Variants in OSMR observed in about 807,000 individuals in gnomAD.
The protein encoded by OSMR is oncostatin M receptor, also known as oncostatin-M-specific receptor subunit beta.
In OSMR, 81 loss-of-function variants were observed where a neutral mutation model predicts 99.9. The ratio of observed to expected loss-of-function variants is 0.81; its 90% CI spans 0.68 to 0.97. OSMR has a LOEUF of 0.97. OSMR is among the 50% of genes least tolerant of loss of function. OSMR has a pLI of 0.00. For missense variants in OSMR, 1,099 were observed against 1,153.4 expected (o/e 0.95, Z 0.68); for synonymous variants, 406 against 410.4 (o/e 0.99, Z 0.13).
intron 2 of OSMR, among the ~76,000 whole-genome samples, chr5:38,870,332 T>A (rs1742282184): frequency 8.5e-6 from 1 of 118,092 alleles, no homozygotes; most frequent in South Asian, 2.8e-4. Context: ...ATGATTTTCT[T>A]TTTTTTTTTT....
At chr5:38,881,423 C>T (rs1743270561) in intron 3 of OSMR, 170 bp from the exon 4 acceptor site, 1 of 965,420 alleles carries the variant, frequency 1.0e-6, no homozygotes, top group Non-Finnish European at 1.2e-6. Flanking sequence ...TAGCTGGCTC[C>T]CATGCGAGGC....
intron 1 of OSMR, among the ~76,000 whole-genome samples, chr5:38,848,711 C>G (rs17458706): frequency 0.25 from 37,583 of 152,130 alleles, 4,861 homozygotes; most frequent in South Asian, 0.4. Flanking sequence ...TGCTTTTTCA[C>G]TTTCCAAGTC....
In OSMR at chr5:38,933,341, A is replaced by T; in HGVS notation, c.2837A>T (p.Lys946Ile). 6.2e-7 allele frequency: 1 copy of T among 1,614,138 alleles called. No homozygotes were observed. The highest frequency in any genetic ancestry group is 8.5e-7 in the Non-Finnish European group (1 of 1,180,000). ...GAGGCACCACACTGTTCAGAGTATA[A>T]AATGCAAATGGCAGTCTCCCTGCGT... ...PVEAPHCSEY[K>I]MQMAVSLRLA... Residue 946 changes from lysine to isoleucine, a missense_variant, in exon 18 of 18, where the codon AAA (lysine) becomes ATA (isoleucine). By Grantham distance (102) the Lys-to-Ile change is moderately radical (BLOSUM62 -3). Transcript: ENST00000274276.
chr5:38,868,186 A>C (rs571783935), intron 1 of OSMR, among the ~76,000 whole-genome samples: 6 of 152,254 alleles, frequency 3.9e-5, no homozygotes, highest in Admixed American at 2.0e-4. Context: ...TCAGTTATCC[A>C]TTGCCACCAA....
At position 38,918,899 on chromosome 5, in the gene OSMR, C is replaced by T. The variant is rs752233678; in HGVS notation, c.1422C>T (p.Asn474=). Residue 474 remains asparagine (N), a synonymous_variant, in exon 11 of 18, where the codon AAC becomes AAT. Transcript: ENST00000274276. Reference sequence around the variant, plus strand: ...TGTTCTATAATGTAGTTGTAGAAAACCTAGACAAACCATCCAGTTCAGAGC... The same window carrying T: ...TGTTCTATAATGTAGTTGTAGAAAATCTAGACAAACCATCCAGTTCAGAGC... The part of the protein sequence containing the change: ...KILFYNVVVE[N]LDKPSSSELH... 1.2e-6 allele frequency: 2 copies of T among 1,613,898 alleles called. No individual in the cohort carries two copies. Among genetic ancestry groups the T allele is most frequent in the Non-Finnish European group, 1.7e-6 (2 of 1,179,890 alleles).
intron 15 of OSMR, among the ~76,000 whole-genome samples, chr5:38,929,718 C>A (rs745701909): frequency 6.6e-6 from 1 of 151,932 alleles, no homozygotes; most frequent in Non-Finnish European, 1.5e-5. Flanking sequence ...TATATATGCC[C>A]CCAAAATGCC....
At chr5:38,862,781 C>T (rs1258128819) in intron 1 of OSMR, among the ~76,000 whole-genome samples, 4 of 152,074 alleles carry the variant, frequency 2.6e-5, no homozygotes, top group Non-Finnish European at 4.4e-5. Context: ...GCAGAGGCTG[C>T]AATCTCGGCA....
intron 15 of OSMR, among the ~76,000 whole-genome samples, chr5:38,926,082 G>A (rs1746461343): frequency 6.6e-6 from 1 of 152,218 alleles, no homozygotes; most frequent in Non-Finnish European, 1.5e-5. Flanking sequence ...CAATAAACAG[G>A]AATGTGGTGA....
At chr5:38,942,395 G>A (rs2112778515) in intron 1 of OSMR, 1 of 1,521,366 alleles carries the variant, frequency 6.6e-7, no homozygotes, top group South Asian at 1.2e-5. Flanking sequence ...AAAAAATGGT[G>A]TATCATCAAT....
At chr5:38,901,720 ATTTTAT>A (rs948257650) in intron 7 of OSMR, among the ~76,000 whole-genome samples, 1 of 152,128 alleles carries the variant, frequency 6.6e-6, no homozygotes, top group Non-Finnish European at 1.5e-5. Flanking sequence ...GACATCTGTA[ATTTTAT>A]TGAGCTAGCA....
Position 38,859,608 on chromosome 5 carries a change from A to G in OSMR, c.-13-9424A>G, listed in dbSNP as rs576403061. Among the ~76,000 whole-genome samples, 9 of 152,266 alleles carry G rather than the reference A, an allele frequency of 5.9e-5. No homozygotes were observed. In the South Asian group the frequency reaches 1.9e-3, roughly 32 times the overall value. On this transcript the variant is annotated intron_variant, in intron 1 of 17. Transcript: ENST00000274276. ...TCTTTTGTGGTTTCATATGAATTTT[A>G]GAATTGTTTTTCCTGTGTCTATGAA...
intron 12 of OSMR, among the ~76,000 whole-genome samples, chr5:38,922,386 G>A (rs1282483603): frequency 6.6e-6 from 1 of 152,174 alleles, no homozygotes; most frequent in East Asian, 1.9e-4. Flanking sequence ...TGGTATGGTG[G>A]GTTGTGGAAG....
Position 38,903,881 on chromosome 5 carries a change from G to A in OSMR, c.992-1G>A. 6.2e-7 allele frequency: 1 copy of A among 1,610,122 alleles called. No homozygotes were observed. Among genetic ancestry groups the A allele is most frequent in the Non-Finnish European group, 8.5e-7 (1 of 1,178,102 alleles). ...TTGTTTCTTTTTCTTTTTTTTGACA[G>A]TTTATTTAATGAATCCTTTTAGTGT... is the stretch of plus-strand genomic sequence containing the variant. On this transcript the variant is annotated splice_acceptor_variant, in intron 7 of 17. Transcript: ENST00000274276. LOFTEE classifies it high-confidence loss of function.
At position 38,867,994 on chromosome 5, in the gene OSMR, A is replaced by G. The variant is rs13188094; in HGVS notation, c.-13-1038A>G. Among the ~76,000 whole-genome samples the G allele has an allele frequency of 0.028, 3,938 of 140,418 alleles. 233 individuals carry two copies. In the East Asian group the frequency reaches 0.29, roughly 10 times the overall value. The allele number at this position is 140,418 out of a possible 152,430, so 92.1% of individuals were successfully genotyped here. ...TAAATTTAGCTCTCTTGAGACTATTATATTTGGAGATGGGGAAGAATGGAG... is the reference window on the plus strand; with the variant it reads ...TAAATTTAGCTCTCTTGAGACTATTGTATTTGGAGATGGGGAAGAATGGAG... On this transcript the variant is annotated intron_variant, in intron 1 of 17. Transcript: ENST00000274276.
chr5:38,846,696 G>A (rs1247297417), intron 1 of OSMR, among the ~76,000 whole-genome samples: 1 of 152,114 alleles, frequency 6.6e-6, no homozygotes, highest in East Asian at 1.9e-4. Context: ...TCAAGCACAG[G>A]TGGAGAGAGG....
chr5:38,905,226 C>T (rs1001231347), intron 9 of OSMR, among the ~76,000 whole-genome samples: 10 of 152,182 alleles, frequency 6.6e-5, no homozygotes, highest in Non-Finnish European at 1.5e-4. Context: ...TGCAGTGGCT[C>T]ACACCTGTAA....
intron 14 of OSMR, 193 bp from the exon 15 acceptor site, chr5:38,925,011 G>C: frequency 4.4e-6 from 4 of 913,554 alleles, no homozygotes; most frequent in Non-Finnish European, 3.9e-6. Context: ...TTTGCTTTTT[G>C]TGCCATCTCC....
chr5:38,859,860 T>C (rs969719846), intron 1 of OSMR, among the ~76,000 whole-genome samples: 1 of 152,202 alleles, frequency 6.6e-6, no homozygotes, highest in African/African-American at 2.4e-5. Flanking sequence ...GGGATTGCTT[T>C]CTTGATATCT....
intron 1 of OSMR, among the ~76,000 whole-genome samples, chr5:38,854,056 A>AG (rs1740663976): frequency 6.6e-6 from 1 of 152,028 alleles, no homozygotes; most frequent in Non-Finnish European, 1.5e-5. Flanking sequence ...AAAAAAAAAA[A>AG]GATAACCGAG....
Sources: allele counts gnomAD v4.1 joint callset (sites outside exome capture counted in the v4.1 genomes callset), GRCh38; gene constraint gnomAD v4.1.1; transcripts MANE v1.5; gene names NCBI Gene and HGNC (gene_info 2026-07-23, HGNC 2026-07-21).